DUSP29: variants seen among roughly 807,000 people sequenced by gnomAD.
DUSP29 encodes the protein dual specificity phosphatase 29.
In DUSP29, 12 loss-of-function variants were observed where a neutral mutation model predicts 13.5. The observed-to-expected ratio is 0.89, with a 90% confidence interval of 0.57 to 1.44. The LOEUF (loss-of-function observed/expected upper bound fraction) is 1.44. DUSP29 is among the 40% of genes most tolerant of loss of function. DUSP29 has a pLI of 0.00. For missense variants in DUSP29, 308 were observed against 301.1 expected, an observed-to-expected ratio of 1.02 and a Z score of -0.17; for synonymous variants, 134 against 128.7, an observed-to-expected ratio of 1.04 and a Z score of -0.28.
chr10:75,060,300 C>G (rs918810461), intron 1 of DUSP29, among the ~76,000 whole-genome samples: 3 of 152,078 alleles, frequency 2.0e-5, no homozygotes, highest in Non-Finnish European at 1.5e-5. Flanking sequence ...CAAAACCCAT[C>G]TCTACAAAAA....
chr10:75,063,122 G>A (rs1847125798), intron 1 of DUSP29, among the ~76,000 whole-genome samples: 1 of 152,238 alleles, frequency 6.6e-6, no homozygotes. Flanking sequence ...TTAGGGAGTG[G>A]TGGGGAGTGT....
chr10:75,044,725 C>G (rs1437947446), intron 2 of DUSP29, among the ~76,000 whole-genome samples: 1 of 152,186 alleles, frequency 6.6e-6, no homozygotes, highest in Non-Finnish European at 1.5e-5. Context: ...GTAAAGTCCT[C>G]TTGAAGTAGG....
rs1846500669 is a variant in DUSP29, at chr10:75,037,984, T to C, written c.515A>G (p.Asp172Gly). The C allele has an allele frequency of 6.2e-7, 1 of 1,613,806 alleles. No individual in the cohort carries two copies. Among genetic ancestry groups the C allele is most frequent in the Admixed American group, 1.7e-5 (1 of 60,008 alleles). Residue 172 changes from aspartate to glycine, a missense_variant, in exon 4 of 4, where the codon GAC (aspartate) becomes GGC (glycine). Coordinates refer to ENST00000338487, the MANE Select transcript of DUSP29 (RefSeq NM_001003892.3). ...GTTCTTGGCCACTTGCTGGATGGCG[T>C]CCACCAGGGTCATGTCCTTGTGGAT... The part of the protein sequence containing the change: ...LMIHKDMTLV[D>G]AIQQVAKNRC...
chr10:75,061,860 A>C (rs1265416643), intron 1 of DUSP29, among the ~76,000 whole-genome samples: 1 of 152,214 alleles, frequency 6.6e-6, no homozygotes, highest in Non-Finnish European at 1.5e-5. Flanking sequence ...GAATGAGTGA[A>C]TGAGTGACTG....
chr10:75,054,109 A>G (rs773518728), intron 2 of DUSP29, among the ~76,000 whole-genome samples: 53 of 152,212 alleles, frequency 3.5e-4, no homozygotes, highest in Admixed American at 2.7e-3. Context: ...TCATGGCAGA[A>G]GTGACTTGAA....
chr10:75,070,841 G>GA (rs1266135148), intron 1 of DUSP29, among the ~76,000 whole-genome samples: 5 of 152,322 alleles, frequency 3.3e-5, no homozygotes, highest in Non-Finnish European at 5.9e-5. Context: ...TAGGAGATCT[G>GA]ACCCCCTCGT....
At chr10:75,057,279 G>A (rs1290825046) in intron 2 of DUSP29, among the ~76,000 whole-genome samples, 10 of 148,840 alleles carry the variant, frequency 6.7e-5, no homozygotes, top group African/African-American at 1.2e-4. Context: ...AGACTGTCTC[G>A]AAAAAAAAAG....
In DUSP29 at chr10:75,038,120, G is replaced by T. The variant is rs577798016; in HGVS notation, c.422-43C>A. 4.4e-6 allele frequency: 7 copies of T among 1,585,828 alleles called. No individual in the cohort carries two copies. The Admixed American group carries it at 1.0e-4, about 23-fold the overall frequency. Reference sequence around the variant, plus strand: ...AGGAGAAAACCCACACTGAGGGGCAGGTGTTGGGGGCACAGGTAGGGCCCA... The same window carrying T: ...AGGAGAAAACCCACACTGAGGGGCATGTGTTGGGGGCACAGGTAGGGCCCA... On this transcript the variant is annotated intron_variant, in intron 3 of 3. Coordinates refer to ENST00000338487, the MANE Select transcript of DUSP29 (RefSeq NM_001003892.3).
At chr10:75,070,454 C>T (rs1847306701) in intron 1 of DUSP29, among the ~76,000 whole-genome samples, 2 of 152,196 alleles carry the variant, frequency 1.3e-5, no homozygotes, top group African/African-American at 4.8e-5. Flanking sequence ...GCTTCGGCTT[C>T]CTCATCTGTC....
At position 75,043,962 on chromosome 10, in the gene DUSP29, T is replaced by C. The variant is rs909454723; in HGVS notation, c.256A>G (p.Asn86Asp). 6.2e-7 allele frequency: 1 copy of C among 1,613,356 alleles called. No individual in the cohort carries two copies. Among genetic ancestry groups the C allele is most frequent in the Non-Finnish European group, 8.5e-7 (1 of 1,179,922 alleles). Residue 86 changes from asparagine to aspartate, a missense_variant, in exon 3 of 4, where the codon AAC becomes GAC. Transcript: ENST00000338487. ...LQKAGFTHVL[N>D]AAHGRWNVDT... ...ACGTTCCAGCGGCCGTGGGCCGCGT[T>C]CAGCACGTGCGTGAACCCCGCCTTC...
intron 1 of DUSP29, among the ~76,000 whole-genome samples, chr10:75,066,006 C>T (rs550342866): frequency 2.0e-5 from 3 of 152,216 alleles, no homozygotes; most frequent in South Asian, 2.1e-4. Flanking sequence ...ACTGAGATTA[C>T]GGGTGTGAGC....
intron 3 of DUSP29, among the ~76,000 whole-genome samples, chr10:75,041,960 C>A (rs761047507): frequency 7.6e-4 from 115 of 152,132 alleles, no homozygotes; most frequent in Non-Finnish European, 1.5e-3. Context: ...CTACAACAAG[C>A]TTTCATGTGA....
At chr10:75,056,503 A>C (rs899035704) in intron 2 of DUSP29, among the ~76,000 whole-genome samples, 2 of 136,518 alleles carry the variant, frequency 1.5e-5, no homozygotes, top group African/African-American at 5.3e-5. Context: ...GGGACATCTC[A>C]AAAAAAAAAA....
intron 1 of DUSP29, 81 bp from the exon 2 acceptor site, chr10:75,058,629 T>G: frequency 8.4e-7 from 1 of 1,189,756 alleles, no homozygotes. Flanking sequence ...GAGGTGGGAA[T>G]AAGCTTATCT....
chr10:75,071,500 C>T (rs1376356029), intron 1 of DUSP29, among the ~76,000 whole-genome samples: 2 of 152,200 alleles, frequency 1.3e-5, no homozygotes, highest in Non-Finnish European at 2.9e-5. Context: ...ACGGGAGTGC[C>T]ACCCGCAGAC....
At chr10:75,064,228 A>G (rs1847146763) in intron 1 of DUSP29, among the ~76,000 whole-genome samples, 1 of 151,678 alleles carries the variant, frequency 6.6e-6, no homozygotes, top group African/African-American at 2.4e-5. Flanking sequence ...GTTTTTTTGT[A>G]GCCGGGCACG....
chr10:75,038,138 A>G (rs1009057082), intron 3 of DUSP29, 61 bp from the exon 4 acceptor site: 1 of 1,564,564 alleles, frequency 6.4e-7, no homozygotes, highest in African/African-American at 1.3e-5. Flanking sequence ...GGGCACAGGT[A>G]GGGCCCACTC....
chr10:75,065,876 A>ATTT (rs1230999719), intron 1 of DUSP29, among the ~76,000 whole-genome samples: 6 of 146,364 alleles, frequency 4.1e-5, no homozygotes, highest in African/African-American at 1.6e-4. Context: ...TATTATTATC[A>ATTT]TTTATTTTAT....
At chr10:75,058,957 C>T (rs529144101) in intron 1 of DUSP29, among the ~76,000 whole-genome samples, 63 of 152,344 alleles carry the variant, frequency 4.1e-4, no homozygotes, top group Non-Finnish European at 7.9e-4. Flanking sequence ...AGATTCCTGA[C>T]ATTCCAGGCC....
Sources: gnomAD v4.1 joint callset for allele counts (sites outside exome capture counted in the v4.1 genomes callset) on GRCh38, gnomAD v4.1.1 for gene constraint, MANE v1.5 for transcripts, NCBI Gene and HGNC (gene_info 2026-07-23, HGNC 2026-07-21) for gene names.